Variants in SMARCD2 observed in about 807,000 individuals in gnomAD.
SMARCD2 encodes SWI/SNF related BAF chromatin remodeling complex subunit D2.
In SMARCD2, 39 loss-of-function variants were observed where a neutral mutation model predicts 70.4. The ratio of observed to expected loss-of-function variants is 0.55; its 90% CI spans 0.43 to 0.72. The LOEUF (loss-of-function observed/expected upper bound fraction) is 0.72. Among genes scored for constraint, SMARCD2 ranks in the 30% least tolerant of loss-of-function variants. The pLI is 0.00. For missense variants in SMARCD2, 540 were observed against 713.4 expected (o/e 0.76, Z 2.77); for synonymous variants, 249 against 279.4 (o/e 0.89, Z 1.08).
In SMARCD2 at chr17:63,833,472, A is replaced by G; in HGVS notation, c.1318-52T>C. Reference sequence around the variant, plus strand: ...TGCCCCCAAAGCTTACATGCAAGCAACTGAGCCAGAGTTCCCATCCCGTCC... The same window carrying G: ...TGCCCCCAAAGCTTACATGCAAGCAGCTGAGCCAGAGTTCCCATCCCGTCC... On this transcript the variant is annotated intron_variant, in intron 10 of 12. Coordinates refer to ENST00000448276, the MANE Select transcript of SMARCD2 (RefSeq NM_001098426.2). This position sits in a 1 kb window ranked among gnomAD's most constrained non-coding sequence, Gnocchi z 4.3. 1 of 1,610,882 alleles carries G rather than the reference A, an allele frequency of 6.2e-7. No individual in the cohort carries two copies. The highest frequency in any genetic ancestry group is 8.5e-7 in the Non-Finnish European group (1 of 1,177,700).
rs375898574 is a variant in SMARCD2, at chr17:63,833,980, G to A, written c.1110C>T (p.Phe370=). The change falls in exon 9 of 13, where the codon TTC becomes TTT. Residue 370 remains phenylalanine (F), a synonymous_variant. Coordinates refer to ENST00000448276, the MANE Select transcript of SMARCD2 (RefSeq NM_001098426.2). This position sits in a 1 kb window ranked among gnomAD's most constrained non-coding sequence, Gnocchi z 4.3. ...CTGCCAGCTTCATGGGAATCTCGGAGAAACGGAGTCGGCCACAACTGAAGA... is the reference window on the plus strand; with the variant it reads ...CTGCCAGCTTCATGGGAATCTCGGAAAAACGGAGTCGGCCACAACTGAAGA... ...RQIFSCGRLR[F]SEIPMKLAGL... 2 of 1,613,836 alleles carry A rather than the reference G, an allele frequency of 1.2e-6. No individual in the cohort carries two copies. Among genetic ancestry groups the A allele is most frequent in the African/African-American group, 2.7e-5 (2 of 74,946 alleles).
At position 63,837,520 on chromosome 17, in the gene SMARCD2, G is replaced by A. The variant is rs755212294; in HGVS notation, c.322C>T (p.Pro108Ser). 6.2e-7 allele frequency: 1 copy of A among 1,607,220 alleles called. No individual in the cohort carries two copies. Among genetic ancestry groups the A allele is most frequent in the South Asian group, 1.1e-5 (1 of 90,268 alleles). The change falls in exon 2 of 13, where the codon CCA (proline) becomes TCA (serine). Residue 108 changes from proline (P) to serine (S), a missense_variant. By Grantham distance (74) the Pro-to-Ser change is moderately conservative (BLOSUM62 -1). Coordinates refer to ENST00000448276, the MANE Select transcript of SMARCD2 (RefSeq NM_001098426.2). This position sits in a 1 kb window ranked among gnomAD's most constrained non-coding sequence, Gnocchi z 6.4. ...GAAAPLRPGM[P>S]PTMMDPFRKR... Reference sequence around the variant, plus strand: ...CGGAATGGATCCATCATGGTGGGTGGCATGCCAGGTCGAAGCGGAGCTGCT... The same window carrying A: ...CGGAATGGATCCATCATGGTGGGTGACATGCCAGGTCGAAGCGGAGCTGCT...
At chr17:63,838,967 G>GTT (rs2144637058) in intron 1 of SMARCD2, 1 of 985,354 alleles carries the variant, frequency 1.0e-6, no homozygotes, top group East Asian at 1.1e-4. Context: ...ACCCACAGAC[G>GTT]TGAGGATGGG....
intron 1 of SMARCD2, among the ~76,000 whole-genome samples, chr17:63,841,733 C>T (rs1904470034): frequency 6.6e-6 from 1 of 152,252 alleles, no homozygotes; most frequent in Non-Finnish European, 1.5e-5. Context: ...GGGCTCCACT[C>T]TGCACGTCCA....
Position 63,836,115 on chromosome 17 carries a change from G to A in SMARCD2, c.568-548C>T, listed in dbSNP as rs556466662. On this transcript the variant is annotated intron_variant, in intron 4 of 12. Transcript: ENST00000448276. ...GTGCTACGGCATGATGGAGTAACAC[G>A]CAGCCAGTCTCTGGCTCACATCTTA... Among the ~76,000 whole-genome samples, 305 of 152,148 alleles carry A rather than the reference G, an allele frequency of 2.0e-3. 3 individuals are homozygous for A. Among genetic ancestry groups the A allele is most frequent in the East Asian group, 1.9e-3 (10 of 5,170 alleles).
Position 63,832,684 on chromosome 17 carries a change from G to A in SMARCD2, c.*254C>T, listed in dbSNP as rs2040206825. On this transcript the variant is annotated 3_prime_UTR_variant, in exon 13 of 13. Coordinates refer to ENST00000448276, the MANE Select transcript of SMARCD2 (RefSeq NM_001098426.2). Reference sequence around the variant, plus strand: ...CAATGTCAAAGCACAGCCTCCAGCAGTCCTACTTGGGCCTGCCTGCAGGGG... The same window carrying A: ...CAATGTCAAAGCACAGCCTCCAGCAATCCTACTTGGGCCTGCCTGCAGGGG... 1.8e-6 allele frequency: 1 copy of A among 566,352 alleles called. No individual in the cohort carries two copies. Among genetic ancestry groups the A allele is most frequent in the Non-Finnish European group, 3.2e-6 (1 of 315,444 alleles). 35.1% of individuals were successfully genotyped at this position (566,352 alleles called of 1,614,324 possible).
chr17:63,837,200 G>A lies in SMARCD2; in HGVS notation c.439C>T (p.Gln147Ter). 1 of 1,613,792 alleles carries A rather than the reference G, an allele frequency of 6.2e-7. No homozygotes were observed. Among genetic ancestry groups the A allele is most frequent in the African/African-American group, 1.3e-5 (1 of 75,022 alleles). ...RRKMADKVLP[Q>*]RIRELVPESQ... ...GGTGTCCTCTTAACACTTACTCGCT[G>A]AGGTAGAACCTTATCTGCCATCTTC... is the stretch of plus-strand genomic sequence containing the variant. Residue 147 changes from glutamine (Q) to a stop codon, truncating the protein, a stop_gained, in exon 3 of 13, where the codon CAG (glutamine) becomes TAG (stop). Transcript: ENST00000448276. LOFTEE classifies it high-confidence loss of function. This position sits in a 1 kb window ranked among gnomAD's most constrained non-coding sequence, Gnocchi z 6.4.
intron 4 of SMARCD2, among the ~76,000 whole-genome samples, chr17:63,836,547 G>C (rs1311992882): frequency 1.3e-5 from 2 of 150,208 alleles, no homozygotes; most frequent in Non-Finnish European, 1.5e-5. Flanking sequence ...GGATGGGGAA[G>C]GGGAAGGAGA....
At position 63,832,904 on chromosome 17, in the gene SMARCD2, G is replaced by A; in HGVS notation, c.*34C>T. 6.5e-7 allele frequency: 1 copy of A among 1,548,944 alleles called. No homozygotes were observed. Among genetic ancestry groups the A allele is most frequent in the Non-Finnish European group, 8.7e-7 (1 of 1,145,804 alleles). ...GGACCCAGAGGGTGGTCTCCCTCCA[G>A]GCTCCAGGGCTGGGAAGAAAGATCC... is the stretch of plus-strand genomic sequence containing the variant. On this transcript the variant is annotated 3_prime_UTR_variant, in exon 13 of 13. Coordinates refer to ENST00000448276, the MANE Select transcript of SMARCD2 (RefSeq NM_001098426.2).
rs1187697036 is a variant in SMARCD2, at chr17:63,832,994, G to A, written c.1543-3C>T. 1.9e-6 allele frequency: 3 copies of A among 1,586,586 alleles called. No individual in the cohort carries two copies. The highest frequency in any genetic ancestry group is 2.3e-5 in the East Asian group (1 of 43,472). On this transcript the variant is annotated splice_polypyrimidine_tract_variant and splice_region_variant and intron_variant, in intron 12 of 12. Transcript: ENST00000448276. ...AGTTCCTGCCTTCGCTGCTGCACCT[G>A]GAGAAGGGAGAAACCAAGTGGCTCA... is the stretch of plus-strand genomic sequence containing the variant.
In SMARCD2 at chr17:63,834,085, G is replaced by A; in HGVS notation, c.1084-79C>T. On this transcript the variant is annotated intron_variant, in intron 8 of 12. Transcript: ENST00000448276. This position sits in a 1 kb window ranked among gnomAD's most constrained non-coding sequence, Gnocchi z 5.6. ...CATTCCAGGACCAGTGAGGGCAGCA[G>A]TCTGCAGGCTGTGGCCAAGGAGTAG... The A allele has an allele frequency of 6.3e-7, 1 of 1,593,776 alleles. No individual in the cohort carries two copies. The highest frequency in any genetic ancestry group is 1.1e-5 in the South Asian group (1 of 90,144).
chr17:63,834,873 G>A lies in SMARCD2; in HGVS notation c.724-73C>T. ...TCAAGCTATGCTAAATCCCAAGAAA[G>A]AGAAGCCCCATTTCAGCCCTGGAGC... On this transcript the variant is annotated intron_variant, in intron 5 of 12. Transcript: ENST00000448276. The surrounding 1 kb of genome is among the most constrained non-coding windows in gnomAD (Gnocchi z 5.6). 1.8e-6 allele frequency: 2 copies of A among 1,089,772 alleles called. No homozygotes were observed. The highest frequency in any genetic ancestry group is 1.4e-6 in the Non-Finnish European group (1 of 710,764). 67.5% of individuals were successfully genotyped at this position (1,089,772 alleles called of 1,614,324 possible).
In SMARCD2 at chr17:63,833,811, T is replaced by C. The variant is rs1426419038; in HGVS notation, c.1182-89A>G. The C allele has an allele frequency of 9.5e-6, 15 of 1,581,128 alleles. No homozygotes were observed. The highest frequency in any genetic ancestry group is 1.2e-5 in the Non-Finnish European group (14 of 1,152,676). On this transcript the variant is annotated intron_variant, in intron 9 of 12. Coordinates refer to ENST00000448276, the MANE Select transcript of SMARCD2 (RefSeq NM_001098426.2). The surrounding 1 kb of genome is among the most constrained non-coding windows in gnomAD (Gnocchi z 4.3). ...TCTGGGGCCCATTCTCTGCACACAC[T>C]CAGGGAAAAAGAAACCTGATGCTTT... is the stretch of plus-strand genomic sequence containing the variant.
chr17:63,835,895 A>T (rs2040259634), intron 4 of SMARCD2, among the ~76,000 whole-genome samples: 1 of 152,010 alleles, frequency 6.6e-6, no homozygotes, highest in African/African-American at 2.4e-5. Context: ...TGCCCAGCTA[A>T]TTTTTTGTGT....
Position 63,835,507 on chromosome 17 carries a change from C to A in SMARCD2, c.628G>T (p.Asp210Tyr), listed in dbSNP as rs773107708. The A allele has an allele frequency of 1.2e-6, 2 of 1,613,924 alleles. No homozygotes were observed. Among genetic ancestry groups the A allele is most frequent in the Non-Finnish European group, 1.7e-6 (2 of 1,179,868 alleles). Residue 210 changes from aspartate to tyrosine, a missense_variant, in exon 5 of 13, where the codon GAT becomes TAT. Physicochemically the swap from Asp to Tyr is radical, Grantham distance 160 (BLOSUM62 -3). Transcript: ENST00000448276. ...NTFSPSKAEGDSAGTAGTPGG... is the reference protein window; with the variant it reads ...NTFSPSKAEGYSAGTAGTPGG... ...GGGGTCCCTGCAGTTCCTGCACTATCGCCTTCCGCCTTGCTGGGACTGAAC... is the reference window on the plus strand; with the variant it reads ...GGGGTCCCTGCAGTTCCTGCACTATAGCCTTCCGCCTTGCTGGGACTGAAC...
Position 63,832,579 on chromosome 17 carries a change from C to G in SMARCD2, c.*359G>C. The G allele has an allele frequency of 2.8e-6, 1 of 351,506 alleles. No individual in the cohort carries two copies. The highest frequency in any genetic ancestry group is 5.4e-6 in the Non-Finnish European group (1 of 185,986). 21.8% of individuals were successfully genotyped at this position (351,506 alleles called of 1,614,324 possible). A position where few individuals can be genotyped will look rare whatever the true frequency, so the allele number is the denominator to read the frequency against. On this transcript the variant is annotated 3_prime_UTR_variant, in exon 13 of 13. Transcript: ENST00000448276. The stretch of plus-strand genomic sequence containing the variant: ...CACCTCCTCTTCCTAGCCCAGCTCC[C>G]CAGAGCCAGCTCTGACCCTCGCCCC...
rs763517750 is a variant in SMARCD2, at chr17:63,837,594, G to A, written c.248C>T (p.Pro83Leu). The A allele has an allele frequency of 3.7e-6, 6 of 1,613,020 alleles. No individual in the cohort carries two copies. The East Asian group carries it at 6.7e-5, about 18-fold the overall frequency. ...RPGMSPGNRM[P>L]MAGLQVGPPA... ...GGGTCCCACCTGCAAGCCAGCCATG[G>A]GCATCCGGTTCCCTGGTGACATGCC... Residue 83 changes from proline to leucine, a missense_variant, in exon 2 of 13, where the codon CCC becomes CTC. Transcript: ENST00000448276. The surrounding 1 kb of genome is among the most constrained non-coding windows in gnomAD (Gnocchi z 6.4).
At chr17:63,835,296 A>T in intron 5 of SMARCD2, 116 bp downstream of exon 5, 2 of 1,122,218 alleles carry the variant, frequency 1.8e-6, no homozygotes, top group Non-Finnish European at 1.2e-6. Context: ...CTAATTTTTA[A>T]ATTTTTTGTA....
In SMARCD2 at chr17:63,832,220, CCACATGCACATACCCCA is replaced by C; in HGVS notation, c.*701_*717del. The C allele has an allele frequency of 1.8e-6, 1 of 558,990 alleles. No individual in the cohort carries two copies. Among genetic ancestry groups the C allele is most frequent in the South Asian group, 2.0e-5 (1 of 49,708 alleles). The allele number at this position is 558,990 out of a possible 1,614,324, so 34.6% of individuals were successfully genotyped here. On this transcript the variant is annotated 3_prime_UTR_variant, in exon 13 of 13. Coordinates refer to ENST00000448276, the MANE Select transcript of SMARCD2 (RefSeq NM_001098426.2). ...CTCCCCATTCACCTTACCCTGGCCT[CCACATGCACATACCCCA>C]TACCTCAGGCCATGCTAGAGAACTG... is the stretch of plus-strand genomic sequence containing the variant.
Sources: gnomAD v4.1 joint callset for allele counts (sites outside exome capture counted in the v4.1 genomes callset) on GRCh38, gnomAD v4.1.1 for gene constraint, Gnocchi (gnomAD v3.1) non-coding constraint, MANE v1.5 for transcripts, NCBI Gene and HGNC (gene_info 2026-07-23, HGNC 2026-07-21) for gene names.